Variants in MBNL1 observed in about 807,000 individuals in gnomAD.
MBNL1 encodes the protein muscleblind like splicing regulator 1.
Under a neutral mutation model 42.2 loss-of-function variants are expected in MBNL1, and 8 were observed. The observed-to-expected ratio is 0.19, with a 90% CI of 0.11 to 0.34. The LOEUF (loss-of-function observed/expected upper bound fraction) is 0.34. Ranked by LOEUF, MBNL1 falls within the 10% of genes least tolerant of loss-of-function variation. The probability of loss-of-function intolerance (pLI) is 1.00; values close to 1 mark genes in which losing one functional copy is unlikely to be tolerated. For missense variants in MBNL1, 309 were observed against 495.3 expected (o/e 0.62, Z 3.57); for synonymous variants, 169 against 173.9 (o/e 0.97, Z 0.22).
chr3:152,372,355 TC>T (rs1475467349), intron 2 of MBNL1, among the ~76,000 whole-genome samples: 1 of 152,202 alleles, frequency 6.6e-6, no homozygotes, highest in Non-Finnish European at 1.5e-5. Context: ...GGAGTTATGA[TC>T]CCTTGGAGGA....
rs2288294 is a variant in MBNL1, at chr3:152,269,352, C to A, written c.-790+260C>A. 5.4e-5 allele frequency: 19 copies of A among 351,116 alleles called. No individual in the cohort carries two copies. In the East Asian group the frequency reaches 1.5e-3, roughly 27 times the overall value. The allele number at this position is 351,116 out of a possible 1,614,324, so 21.8% of individuals were successfully genotyped here. On this transcript the variant is annotated intron_variant, in intron 1 of 9. Coordinates refer to ENST00000324210, the MANE Select transcript of MBNL1 (RefSeq NM_021038.5). ...ACGCTGTCACGGCACAGCCCGCGCA[C>A]GGCTTGGCAGCCCAGCGGGACCCAG...
At chr3:152,289,084 T>TA (rs35675964) in intron 1 of MBNL1, among the ~76,000 whole-genome samples, 17,404 of 152,090 alleles carry the variant, frequency 0.11, 1,214 homozygotes, top group Middle Eastern at 0.18. Flanking sequence ...AAGGTTTTCT[T>TA]AAAGTTTTTT....
intron 2 of MBNL1, among the ~76,000 whole-genome samples, chr3:152,394,718 A>G (rs753604292): frequency 3.9e-5 from 6 of 152,332 alleles, no homozygotes; most frequent in South Asian, 2.1e-4. Context: ...CAGGCATGAC[A>G]AGTACTATAC....
intron 9 of MBNL1, among the ~76,000 whole-genome samples, chr3:152,462,024 A>C (rs554574877): frequency 6.6e-6 from 1 of 152,244 alleles, no homozygotes; most frequent in South Asian, 2.1e-4. Context: ...TTTACTCTTG[A>C]AACCTTATTA....
intron 2 of MBNL1, among the ~76,000 whole-genome samples, chr3:152,255,684 A>G (rs564860999): frequency 7.2e-5 from 11 of 152,266 alleles, no homozygotes; most frequent in Non-Finnish European, 1.3e-4. Context: ...ATTTTAAAGG[A>G]CTTCTAGATA....
At position 152,299,710 on chromosome 3, in the gene MBNL1, TCTATG is replaced by T; in HGVS notation, c.-482_-478del. The T allele has an allele frequency of 2.5e-6, 1 of 398,892 alleles. No individual in the cohort carries two copies. Among genetic ancestry groups the T allele is most frequent in the Non-Finnish European group, 4.4e-6 (1 of 226,264 alleles). 24.7% of individuals were successfully genotyped at this position (398,892 alleles called of 1,614,324 possible). ...ATTTTGCTCTAAACTGCTGCATCTG[TCTATG>T]CCAAACTAATCAATACCGATTGCAC... On this transcript the variant is annotated 5_prime_UTR_variant, in exon 2 of 10. The change abolishes an upstream ATG in the 5' untranslated region. Coordinates refer to ENST00000324210, the MANE Select transcript of MBNL1 (RefSeq NM_021038.5).
At chr3:152,423,129 C>T (rs959368897) in intron 3 of MBNL1, among the ~76,000 whole-genome samples, 1 of 152,076 alleles carries the variant, frequency 6.6e-6, no homozygotes, top group Non-Finnish European at 1.5e-5. Context: ...ACAAAAAACC[C>T]TTCAAAAAAT....
At chr3:152,448,395 C>T (rs139462525) in intron 6 of MBNL1, among the ~76,000 whole-genome samples, 2 of 152,126 alleles carry the variant, frequency 1.3e-5, no homozygotes, top group African/African-American at 4.8e-5. Flanking sequence ...GTAATGTATA[C>T]ATAATCTAGA....
intron 2 of MBNL1, among the ~76,000 whole-genome samples, chr3:152,402,283 GC>G (rs2098259951): frequency 6.6e-6 from 1 of 152,038 alleles, no homozygotes; most frequent in South Asian, 2.1e-4. Flanking sequence ...CATAATTGAG[GC>G]CCCTGTATAT....
chr3:152,267,384 A>G (rs1367649074), upstream of MBNL1: 1 of 152,312 alleles, frequency 6.6e-6, no homozygotes, highest in African/African-American at 2.4e-5. Flanking sequence ...TCCCTTATGC[A>G]GAATTAATCG....
chr3:152,327,924 G>A (rs2081473600), intron 2 of MBNL1, among the ~76,000 whole-genome samples: 1 of 151,892 alleles, frequency 6.6e-6, no homozygotes, highest in African/African-American at 2.4e-5. Context: ...AAAATCAGAT[G>A]TTTCTGTTTA....
Position 152,321,739 on chromosome 3 carries a change from A to AT in MBNL1, c.174+21381dup, listed in dbSNP as rs199576352. On this transcript the variant is annotated intron_variant, in intron 2 of 9. Coordinates refer to ENST00000324210, the MANE Select transcript of MBNL1 (RefSeq NM_021038.5). ...CCCTTTCTCCATCAAATTTTAAAGG[A>AT]TTTTTTTTTCCTCAGTAATTCTGCC... Among the ~76,000 whole-genome samples the AT allele has an allele frequency of 1.5e-3, 224 of 151,540 alleles. 1 individual carries two copies. The highest frequency in any genetic ancestry group is 5.1e-3 in the African/African-American group (212 of 41,328).
intron 2 of MBNL1, among the ~76,000 whole-genome samples, chr3:152,303,942 TAA>T (rs1050229669): frequency 2.6e-5 from 4 of 152,200 alleles, no homozygotes; most frequent in Non-Finnish European, 4.4e-5. Context: ...CCATTTTATT[TAA>T]GATAATTAAA....
intron 2 of MBNL1, among the ~76,000 whole-genome samples, chr3:152,321,386 T>C (rs1268839251): frequency 6.6e-6 from 1 of 152,158 alleles, no homozygotes; most frequent in Non-Finnish European, 1.5e-5. Context: ...AAAAGTCATT[T>C]GCTTAGAGAG....
chr3:152,377,032 T>C (rs942020477), intron 2 of MBNL1, among the ~76,000 whole-genome samples: 2 of 152,148 alleles, frequency 1.3e-5, no homozygotes, highest in Non-Finnish European at 2.9e-5. Flanking sequence ...CTTGTTGTTT[T>C]AAAACAAAGC....
rs114227172 is a variant in MBNL1 at position 152,448,671 on chromosome 3, C to T, written c.961+898C>T. Among the ~76,000 whole-genome samples the T allele has an allele frequency of 1.7e-3, 252 of 152,016 alleles. 1 individual carries two copies. The highest frequency in any genetic ancestry group is 2.5e-3 in the Non-Finnish European group (168 of 67,934). Reference sequence around the variant, plus strand: ...ATGAGTAGATATATATGTCAAAAATCCAGCTCCCAATTTTATATTAGACTA... The same window carrying T: ...ATGAGTAGATATATATGTCAAAAATTCAGCTCCCAATTTTATATTAGACTA... On this transcript the variant is annotated intron_variant, in intron 6 of 9. Transcript: ENST00000324210.
At chr3:152,374,877 CA>C (rs2096831345) in intron 2 of MBNL1, among the ~76,000 whole-genome samples, 1 of 152,164 alleles carries the variant, frequency 6.6e-6, no homozygotes, top group African/African-American at 2.4e-5. Flanking sequence ...TTCCCATGAG[CA>C]AAGAAGAGTT....
intron 3 of MBNL1, among the ~76,000 whole-genome samples, chr3:152,428,121 T>G (rs534789352): frequency 3.9e-5 from 6 of 152,122 alleles, no homozygotes; most frequent in Admixed American, 2.6e-4. Flanking sequence ...TTATTGAATT[T>G]TGAGGTAAAG....
chr3:152,353,031 C>A (rs1655561601), intron 2 of MBNL1, among the ~76,000 whole-genome samples: 1 of 152,156 alleles, frequency 6.6e-6, no homozygotes. Flanking sequence ...AGTAAACTCT[C>A]TTAAAATTAA....
Sources: allele counts gnomAD v4.1 joint callset (sites outside exome capture counted in the v4.1 genomes callset), GRCh38; gene constraint gnomAD v4.1.1; transcripts MANE v1.5; gene names NCBI Gene and HGNC (gene_info 2026-07-23, HGNC 2026-07-21).